BTNL2: variants seen among roughly 807,000 people sequenced by gnomAD.
BTNL2 encodes the protein butyrophilin like 2.
In BTNL2, 46 loss-of-function variants were observed where a neutral mutation model predicts 46.8. The observed-to-expected ratio is 0.98, with a 90% CI of 0.78 to 1.26. BTNL2 has a LOEUF of 1.26. Among genes scored for constraint, BTNL2 ranks in the 50% most tolerant of loss-of-function variants. The pLI, the probability that BTNL2 is intolerant of heterozygous loss-of-function variation, is 0.00. For synonymous variants in BTNL2, 226 were observed against 229.1 expected, an observed-to-expected ratio of 0.99 and a Z score of 0.12; for missense variants, 461 against 592.6, an observed-to-expected ratio of 0.78 and a Z score of 2.31.
chr6:32,405,807 G>GTTTTTTTTTTTTTTTTTT (rs56858224), intron 1 of BTNL2, among the ~76,000 whole-genome samples: 1 of 127,812 alleles, frequency 7.8e-6, no homozygotes. Flanking sequence ...TATAAAAACT[G>GTTTTTTTTTTTTTTTTTT]TTTTTTTTTT....
At chr6:32,395,235 T>C (rs62402756) in intron 5 of BTNL2, among the ~76,000 whole-genome samples, 6,018 of 152,250 alleles carry the variant, frequency 0.04, 135 homozygotes, top group African/African-American at 0.056. Context: ...CCTAAATCAT[T>C]CTGGGATGAT....
chr6:32,403,061 C>G lies in BTNL2; in HGVS notation c.583G>C (p.Asp195His). 1 of 1,612,898 alleles carries G rather than the reference C, an allele frequency of 6.2e-7. No individual in the cohort carries two copies. Among genetic ancestry groups the G allele is most frequent in the South Asian group, 1.1e-5 (1 of 91,080 alleles). Residue 195 changes from aspartate to histidine, a missense_variant, in exon 3 of 8, where the codon GAT (aspartate) becomes CAT (histidine). Physicochemically the swap from Asp to His is moderately conservative, Grantham distance 81. Transcript: ENST00000454136. ...TCCGCATAGAACAGGCCATCTTTAT[C>G]TTGGATGCGATGCTCAGACACGGCC... is the stretch of plus-strand genomic sequence containing the variant. ...LLAVSEHRIQ[D>H]KDGLFYAEAT...
chr6:32,398,889 A>G (rs117723432), intron 4 of BTNL2, among the ~76,000 whole-genome samples: 2,597 of 152,164 alleles, frequency 0.017, 76 homozygotes, highest in East Asian at 0.11. Flanking sequence ...ACTAGAATAC[A>G]AGCTCCTTGG....
chr6:32,402,388 A>G (rs1429832875), intron 3 of BTNL2, among the ~76,000 whole-genome samples: 2 of 151,982 alleles, frequency 1.3e-5, no homozygotes, highest in African/African-American at 2.4e-5. Flanking sequence ...CATGTTTATC[A>G]TTGAATAGTG....
chr6:32,395,979 T>G, intron 5 of BTNL2, 60 bp downstream of exon 5: 5 of 1,330,904 alleles, frequency 3.8e-6, no homozygotes, highest in Non-Finnish European at 5.2e-6. Flanking sequence ...GTCCAGGAAC[T>G]AGCATATTAA....
rs760291987 is a variant in BTNL2, at chr6:32,405,162, T to C, written c.204A>G (p.Ser68=). The C allele has an allele frequency of 3.7e-6, 6 of 1,613,106 alleles. No individual in the cohort carries two copies. Among genetic ancestry groups the C allele is most frequent in the Non-Finnish European group, 5.1e-6 (6 of 1,180,022 alleles). The part of the protein sequence containing the change: ...TMHVEVRWYR[S]EPSTPVFVHR... Reference sequence around the variant, plus strand: ...GCACAAACACAGGTGTGCTGGGCTCTGAGCGGTACCACCTCACCTCCACGT... The same window carrying C: ...GCACAAACACAGGTGTGCTGGGCTCCGAGCGGTACCACCTCACCTCCACGT... Residue 68 remains serine (S), a synonymous_variant, in exon 2 of 8, where the codon TCA becomes TCG. Transcript: ENST00000454136.
Position 32,393,532 on chromosome 6 carries a change from C to G in BTNL2, c.*7-143G>C, listed in dbSNP as rs1049483214. ...AGAGCACACAAAACAGCCTCCCTAA[C>G]ACATGAGAAGTCACCAGCAACACAG... On this transcript the variant is annotated intron_variant, in intron 7 of 7. Transcript: ENST00000454136. The surrounding 1 kb of genome is among the most constrained non-coding windows in gnomAD (Gnocchi z 4.8). The G allele has an allele frequency of 1.9e-5, 3 of 153,936 alleles. No homozygotes were observed. Among genetic ancestry groups the G allele is most frequent in the African/African-American group, 7.2e-5 (3 of 41,494 alleles). 9.5% of individuals were successfully genotyped at this position (153,936 alleles called of 1,614,324 possible). A position where few individuals can be genotyped will look rare whatever the true frequency, so the allele number is the denominator to read the frequency against.
intron 5 of BTNL2, 41 bp downstream of exon 5, chr6:32,395,998 G>T: frequency 6.8e-7 from 1 of 1,480,254 alleles, no homozygotes; most frequent in Non-Finnish European, 9.3e-7. Flanking sequence ...AAAGTGGCAG[G>T]AGCAGGTATT....
chr6:32,403,295 G>C, intron 2 of BTNL2, 79 bp from the exon 3 acceptor site: 1 of 1,469,396 alleles, frequency 6.8e-7, no homozygotes, highest in Non-Finnish European at 9.1e-7. Context: ...CAGTGACGTT[G>C]CTCACAGGGA....
In BTNL2 at chr6:32,396,263, G is replaced by T; in HGVS notation, c.854C>A (p.Ser285Tyr). The change falls in exon 5 of 8, where the codon TCC (serine) becomes TAC (tyrosine). Residue 285 changes from serine (S) to tyrosine (Y), a missense_variant. By Grantham distance (144) the Ser-to-Tyr change is moderately radical. Transcript: ENST00000454136. This position sits in a 1 kb window ranked among gnomAD's most constrained non-coding sequence, Gnocchi z 4.4. Reference protein sequence around the residue: ...AQSMEVRWDRSHRYPAVHVYM... With the variant: ...AQSMEVRWDRYHRYPAVHVYM... Reference sequence around the variant, plus strand: ...CACATGCACAGCAGGGTAACGGTGGGATCGGTCCCACCTCACCTCCATGCT... The same window carrying T: ...CACATGCACAGCAGGGTAACGGTGGTATCGGTCCCACCTCACCTCCATGCT... 1 of 1,613,068 alleles carries T rather than the reference G, an allele frequency of 6.2e-7. No individual in the cohort carries two copies. The highest frequency in any genetic ancestry group is 8.5e-7 in the Non-Finnish European group (1 of 1,180,020).
In BTNL2 at chr6:32,396,027, T is replaced by C. The variant is rs1776424438; in HGVS notation, c.1078+12A>G. 2 of 1,597,758 alleles carry C rather than the reference T, an allele frequency of 1.3e-6. No individual in the cohort carries two copies. Among genetic ancestry groups the C allele is most frequent in the Admixed American group, 3.4e-5 (2 of 59,626 alleles). ...AGGTATTGAATACAAAATATCTATC[T>C]AGAATTCTTACTTACCACCTTCAGA... On this transcript the variant is annotated intron_variant, in intron 5 of 7. Transcript: ENST00000454136. This position sits in a 1 kb window ranked among gnomAD's most constrained non-coding sequence, Gnocchi z 4.4.
In BTNL2 at chr6:32,394,017, C is replaced by A; in HGVS notation, c.1401G>T (p.Trp467Cys). ...MTFLWKTLLV[W>C]GLLLAVAVGL... The stretch of plus-strand genomic sequence containing the variant: ...CTACAGCCACAGCAAGAAGCAATCC[C>A]CAAACAAGCAGTGTTTTCCACAAAA... Residue 467 changes from tryptophan to cysteine, a missense_variant, in exon 7 of 8, where the codon TGG (tryptophan) becomes TGT (cysteine). Trp to Cys is a radical substitution (Grantham distance 215). Transcript: ENST00000454136. This position sits in a 1 kb window ranked among gnomAD's most constrained non-coding sequence, Gnocchi z 4.6. 1 of 1,550,286 alleles carries A rather than the reference C, an allele frequency of 6.5e-7. No individual in the cohort carries two copies. The highest frequency in any genetic ancestry group is 8.7e-7 in the Non-Finnish European group (1 of 1,146,790).
intron 1 of BTNL2, among the ~76,000 whole-genome samples, chr6:32,405,805 C>CTGTTTTTTTTT (rs9281779): frequency 0.087 from 6,784 of 78,412 alleles, 195 homozygotes; most frequent in South Asian, 0.25. Context: ...GATATAAAAA[C>CTGTTTTTTTTT]TGTTTTTTTT....
intron 3 of BTNL2, 60 bp from the exon 4 acceptor site, chr6:32,401,865 T>C (rs886824910): frequency 1.5e-5 from 22 of 1,503,982 alleles, no homozygotes; most frequent in Non-Finnish European, 2.0e-5. Flanking sequence ...GGAGAGAAAC[T>C]ATTTTTTAAA....
At position 32,394,901 on chromosome 6, in the gene BTNL2, C is replaced by T. The variant is rs759428218; in HGVS notation, c.1203G>A (p.Thr401=). The change falls in exon 6 of 8, where the codon ACG becomes ACA. Residue 401 remains threonine (T), a synonymous_variant. Transcript: ENST00000454136. This position sits in a 1 kb window ranked among gnomAD's most constrained non-coding sequence, Gnocchi z 4.6. The part of the protein sequence containing the change: ...HVPWRDMEGK[T]IPSSSQALTQ... ...TCAGGGCCTGGGAAGATGATGGTATCGTCTTTCCTTCCATGTCCCTCCATG... is the reference window on the plus strand; with the variant it reads ...TCAGGGCCTGGGAAGATGATGGTATTGTCTTTCCTTCCATGTCCCTCCATG... The T allele has an allele frequency of 3.1e-6, 5 of 1,614,088 alleles. No homozygotes were observed. The highest frequency in any genetic ancestry group is 4.2e-6 in the Non-Finnish European group (5 of 1,180,034).
Position 32,399,890 on chromosome 6 carries a change from G to T in BTNL2, c.730+1895C>A, listed in dbSNP as rs908444739. Among the ~76,000 whole-genome samples the T allele has an allele frequency of 6.6e-6, 1 of 152,194 alleles. No homozygotes were observed. The highest frequency in any genetic ancestry group is 1.5e-5 in the Non-Finnish European group (1 of 68,046). ...CCCATCATTAGAGCTCACCTGCAAA[G>T]CTTCCGTGCCCAGAGCCCTCCTCTC... On this transcript the variant is annotated intron_variant, in intron 4 of 7. Coordinates refer to ENST00000454136, the MANE Select transcript of BTNL2 (RefSeq NM_001304561.2). This position sits in a 1 kb window ranked among gnomAD's most constrained non-coding sequence, Gnocchi z 5.2.
intron 1 of BTNL2, chr6:32,406,789 T>C (rs1302532901): frequency 3.2e-6 from 1 of 309,496 alleles, no homozygotes; most frequent in Non-Finnish European, 6.1e-6. Flanking sequence ...CTCTGAGATG[T>C]AGTTACTGCT....
At position 32,394,332 on chromosome 6, in the gene BTNL2, G is replaced by A. The variant is rs1463598013; in HGVS notation, c.1361-275C>T. 6.6e-6 allele frequency among the ~76,000 whole-genome samples: 1 copy of A among 152,180 alleles called. No individual in the cohort carries two copies. The highest frequency in any genetic ancestry group is 1.5e-5 in the Non-Finnish European group (1 of 68,026). ...TCACTGGAATGACTTGAGGAGGAAA[G>A]GATAAAATTACTCAAGCCGCAACCA... is the stretch of plus-strand genomic sequence containing the variant. On this transcript the variant is annotated intron_variant, in intron 6 of 7. Coordinates refer to ENST00000454136, the MANE Select transcript of BTNL2 (RefSeq NM_001304561.2). This position sits in a 1 kb window ranked among gnomAD's most constrained non-coding sequence, Gnocchi z 4.6.
intron 5 of BTNL2, 77 bp downstream of exon 5, chr6:32,395,962 A>G: frequency 8.3e-7 from 1 of 1,201,958 alleles, no homozygotes; most frequent in Non-Finnish European, 1.2e-6. Context: ...CAAATGTCAG[A>G]GAAATTGTCC....
Sources: allele counts gnomAD v4.1 joint callset (sites outside exome capture counted in the v4.1 genomes callset), GRCh38; gene constraint gnomAD v4.1.1; non-coding constraint Gnocchi (gnomAD v3.1); transcripts MANE v1.5; gene names NCBI Gene and HGNC (gene_info 2026-07-23, HGNC 2026-07-21).